Variants in DNAH9 observed in about 807,000 individuals in gnomAD.
The protein encoded by DNAH9 is DNAH9 variant protein.
DNAH9 carries 345 observed loss-of-function variants against 471.6 expected under a neutral mutation model. That is an observed-to-expected ratio of 0.73 (90% CI 0.67 to 0.80). The LOEUF (loss-of-function observed/expected upper bound fraction) is 0.80, where lower values mean the gene tolerates loss of function less well. Ranked by LOEUF, DNAH9 falls within the 30% of genes least tolerant of loss-of-function variation. DNAH9 has a pLI of 0.00. For missense variants in DNAH9, 5,407 were observed against 5,609.2 expected (o/e 0.96, Z 1.15); for synonymous variants, 2,093 against 2,123.6 (o/e 0.99, Z 0.40).
chr17:11,598,694 G>C lies in DNAH9; in HGVS notation c.196G>C (p.Glu66Gln). 1 of 1,371,868 alleles carries C rather than the reference G, an allele frequency of 7.3e-7. No homozygotes were observed. Among genetic ancestry groups the C allele is most frequent in the Non-Finnish European group, 9.4e-7 (1 of 1,069,356 alleles). The allele number at this position is 1,371,868 out of a possible 1,614,324, so 85.0% of individuals were successfully genotyped here. A position where few individuals can be genotyped will look rare whatever the true frequency, so the allele number is the denominator to read the frequency against. ...GGCCTTCCTGGGCCGCGATGCTGCCGAGGGGCCGCGGCCGCTGCTGGTGGT... is the reference window on the plus strand; with the variant it reads ...GGCCTTCCTGGGCCGCGATGCTGCCCAGGGGCCGCGGCCGCTGCTGGTGGT... Reference protein sequence around the residue: ...LQAFLGRDAAEGPRPLLVVRP... With the variant: ...LQAFLGRDAAQGPRPLLVVRP... The change falls in exon 1 of 69, where the codon GAG (glutamate) becomes CAG (glutamine). Residue 66 changes from glutamate (E) to glutamine (Q), a missense_variant. Physicochemically the swap from Glu to Gln is conservative, Grantham distance 29 (BLOSUM62 2). Coordinates refer to ENST00000262442, the MANE Select transcript of DNAH9 (RefSeq NM_001372.4).
chr17:11,898,408 G>A lies in DNAH9; in HGVS notation c.11406+3912G>A, dbSNP rs188728896. Among the ~76,000 whole-genome samples, 75 of 152,202 alleles carry A rather than the reference G, an allele frequency of 4.9e-4. 1 individual carries two copies. The Middle Eastern group carries it at 0.02, about 41-fold the overall frequency. ...AGTGCTGGGATTACAGGCGTGAGCC[G>A]CCGCGCCTGGCCCTTTCCGTTTCTT... On this transcript the variant is annotated intron_variant, in intron 59 of 68. Transcript: ENST00000262442.
rs375625334 is a variant in DNAH9, at chr17:11,763,511, T to C, written c.7067T>C (p.Leu2356Pro). 4 of 1,613,948 alleles carry C rather than the reference T, an allele frequency of 2.5e-6. No individual in the cohort carries two copies. In the African/African-American group the frequency reaches 5.3e-5, roughly 22 times the overall value. ...GTGTGTCACCTTCTGGAATGTCTCC[T>C]GACCACGGAGGACATCCCTGCAGAC... The part of the protein sequence containing the change: ...QMVCHLLECL[L>P]TTEDIPADCP... Residue 2356 changes from leucine (L) to proline (P), a missense_variant, in exon 36 of 69, where the codon CTG becomes CCG. Coordinates refer to ENST00000262442, the MANE Select transcript of DNAH9 (RefSeq NM_001372.4).
At chr17:11,666,617 G>A (rs1256369157) in intron 15 of DNAH9, among the ~76,000 whole-genome samples, 2 of 152,166 alleles carry the variant, frequency 1.3e-5, no homozygotes, top group Admixed American at 6.5e-5. Flanking sequence ...GGTTATCTAA[G>A]GGGAAGTAAA....
Position 11,802,816 on chromosome 17 carries a change from T to C in DNAH9, c.8421-4916T>C, listed in dbSNP as rs75550303. Among the ~76,000 whole-genome samples, 3 of 152,270 alleles carry C rather than the reference T, an allele frequency of 2.0e-5. No individual in the cohort carries two copies. In the East Asian group the frequency reaches 5.8e-4, roughly 29 times the overall value. ...CTCGAGCTCGCATCATCTTTCTTTT[T>C]AGTTAGAGTCCCCTACACCCTTCCC... On this transcript the variant is annotated intron_variant, in intron 43 of 68. Coordinates refer to ENST00000262442, the MANE Select transcript of DNAH9 (RefSeq NM_001372.4).
intron 28 of DNAH9, among the ~76,000 whole-genome samples, chr17:11,735,505 G>A (rs1032131274): frequency 4.6e-5 from 7 of 151,812 alleles, no homozygotes; most frequent in Non-Finnish European, 7.4e-5. Context: ...GCGCGATCTC[G>A]GCTCACTGCC....
chr17:11,694,632 TGCTTTCTTGCTTTCTC>T (rs2074401306), intron 22 of DNAH9, among the ~76,000 whole-genome samples, 185 bp downstream of exon 22: 1 of 4,422 alleles, frequency 2.3e-4, no homozygotes, highest in African/African-American at 3.3e-4. Flanking sequence ...CTTGCTTTCT[TGCTTTCTTGCTTTCTC>T]GCTTTCTCGC....
Position 11,654,078 on chromosome 17 carries a change from G to A in DNAH9, c.2595+1076G>A, listed in dbSNP as rs1217652407. On this transcript the variant is annotated intron_variant, in intron 14 of 68. Transcript: ENST00000262442. ...TAAAAGTTTAAAATCGATCTAGGCC[G>A]GGCGCGGTGGCTCACGCTTGTAATC... Among the ~76,000 whole-genome samples the A allele has an allele frequency of 4.5e-5, 3 of 66,964 alleles. 1 individual carries two copies. Among genetic ancestry groups the A allele is most frequent in the Non-Finnish European group, 1.1e-4 (3 of 27,410 alleles). 43.9% of individuals were successfully genotyped at this position (66,964 alleles called of 152,430 possible).
chr17:11,654,553 T>G (rs2073596746), intron 14 of DNAH9, among the ~76,000 whole-genome samples: 1 of 151,756 alleles, frequency 6.6e-6, no homozygotes, highest in Non-Finnish European at 1.5e-5. Flanking sequence ...AAAGTACATA[T>G]TGTAACATTT....
chr17:11,752,988 C>G, intron 33 of DNAH9, 28 bp downstream of exon 33: 1 of 1,522,706 alleles, frequency 6.6e-7, no homozygotes, highest in Non-Finnish European at 8.8e-7. Flanking sequence ...ATCCCTAGAT[C>G]ATTTCTAATC....
chr17:11,891,197 A>G (rs1973038770), intron 57 of DNAH9, among the ~76,000 whole-genome samples: 1 of 152,222 alleles, frequency 6.6e-6, no homozygotes. Context: ...GGAAGGGTCC[A>G]TGAGAAAGGA....
rs1318421776 is a variant in DNAH9, at chr17:11,598,902, C to CGGAGGTGAGGGT, written c.405_406insGAGGTGAGGGTG (p.Ala135_Leu136insGluValArgVal). On this transcript the variant is annotated inframe_insertion, in exon 1 of 69. Coordinates refer to ENST00000262442, the MANE Select transcript of DNAH9 (RefSeq NM_001372.4). ...GCGGCACCTCTGGAGCACCTAGCCG[C>CGGAGGTGAGGGT]GCTGTTCTCGGAGGTGAGGGTGGGT... 6.6e-7 allele frequency: 1 copy of CGGAGGTGAGGGT among 1,517,092 alleles called. No individual in the cohort carries two copies. The highest frequency in any genetic ancestry group is 1.4e-5 in the African/African-American group (1 of 69,882). The allele number at this position is 1,517,092 out of a possible 1,614,324, so 94.0% of individuals were successfully genotyped here.
intron 1 of DNAH9, among the ~76,000 whole-genome samples, chr17:11,605,342 A>C (rs552968477): frequency 1.2e-4 from 19 of 152,310 alleles, no homozygotes; most frequent in South Asian, 6.2e-4. Context: ...CTCCCTTAGA[A>C]TATAAGCTTC....
At chr17:11,810,509 C>A in intron 45 of DNAH9, 140 bp downstream of exon 45, 2 of 1,053,028 alleles carry the variant, frequency 1.9e-6, no homozygotes, top group Non-Finnish European at 2.7e-6. Context: ...AGGACTGGTT[C>A]ATTGAGGTCC....
chr17:11,863,895 A>G (rs996076868), intron 50 of DNAH9, among the ~76,000 whole-genome samples: 2 of 151,950 alleles, frequency 1.3e-5, no homozygotes, highest in African/African-American at 4.8e-5. Flanking sequence ...TATTGCGTCT[A>G]TTTGATTCTT....
At chr17:11,848,990 C>T (rs1279712310) in intron 49 of DNAH9, among the ~76,000 whole-genome samples, 1 of 152,080 alleles carries the variant, frequency 6.6e-6, no homozygotes, top group Non-Finnish European at 1.5e-5. Flanking sequence ...GCGGCTGCCA[C>T]CATGCCCGGC....
intron 14 of DNAH9, among the ~76,000 whole-genome samples, chr17:11,663,449 AC>A (rs559976087): frequency 3.7e-4 from 56 of 152,270 alleles, no homozygotes; most frequent in Middle Eastern, 6.8e-3. Flanking sequence ...GGTGAGGCTC[AC>A]CTTGAGTATG....
intron 61 of DNAH9, among the ~76,000 whole-genome samples, chr17:11,922,312 G>A (rs934652092): frequency 1.3e-5 from 2 of 151,920 alleles, no homozygotes; most frequent in Non-Finnish European, 2.9e-5. Flanking sequence ...TTTTAAGTAT[G>A]GATTTTTATT....
chr17:11,811,924 AGGTTGCAG>A (rs1347706656), intron 45 of DNAH9, among the ~76,000 whole-genome samples: 2 of 138,742 alleles, frequency 1.4e-5, no homozygotes. Context: ...AGGGAGATAC[AGGTTGCAG>A]TGAGCTGAGA....
chr17:11,696,696 T>C (rs1380420534), intron 22 of DNAH9, among the ~76,000 whole-genome samples: 1 of 152,226 alleles, frequency 6.6e-6, no homozygotes, highest in African/African-American at 2.4e-5. Flanking sequence ...TTATCCCTGA[T>C]AGTTATAGCA....
Sources: gnomAD v4.1 joint callset for allele counts (sites outside exome capture counted in the v4.1 genomes callset) on GRCh38, gnomAD v4.1.1 for gene constraint, MANE v1.5 for transcripts, NCBI Gene and HGNC (gene_info 2026-07-23, HGNC 2026-07-21) for gene names.